The following LINGO2 variants were observed in gnomAD, a reference collection of about 807,000 sequenced individuals.
LINGO2 encodes the protein leucine-rich repeat and immunoglobulin-like domain-containing nogo receptor-interacting protein 2.
Under a neutral mutation model 30.6 loss-of-function variants are expected in LINGO2, and 14 were observed. The observed-to-expected ratio is 0.46, with a 90% CI of 0.30 to 0.72. The LOEUF is 0.72. Ranked by LOEUF, LINGO2 falls within the 30% of genes least tolerant of loss-of-function variation. LINGO2 has a pLI of 0.07. For missense variants in LINGO2, 729 were observed against 751.7 expected, an observed-to-expected ratio of 0.97 and a Z score of 0.35; for synonymous variants, 317 against 288.5, an observed-to-expected ratio of 1.10 and a Z score of -1.00.
chr9:27,976,914 T>C (rs531330238), intron 5 of LINGO2, among the ~76,000 whole-genome samples: 27 of 152,166 alleles, frequency 1.8e-4, no homozygotes, highest in African/African-American at 6.5e-4. Context: ...TTTGCAGAAC[T>C]TTCTGTGTAT....
At chr9:28,587,753 C>G (rs889142226) in intron 1 of LINGO2, among the ~76,000 whole-genome samples, 7 of 151,874 alleles carry the variant, frequency 4.6e-5, no homozygotes, top group African/African-American at 1.7e-4. Context: ...TCGGGTTACT[C>G]ACCTGGCCAC....
At chr9:28,870,775 A>G in the LINGO2 span, among the ~76,000 whole-genome samples, 5 of 152,136 alleles carry the variant, frequency 3.3e-5, no homozygotes, top group Non-Finnish European at 7.4e-5. Flanking sequence ...TTTAAATCGT[A>G]CTAAAGAAAT....
At chr9:28,226,483 T>A (rs1281974602) in intron 4 of LINGO2, among the ~76,000 whole-genome samples, 1 of 151,704 alleles carries the variant, frequency 6.6e-6, no homozygotes, top group East Asian at 1.9e-4. Context: ...CCAGGTAGAG[T>A]CTTTCTTAAA....
At chr9:28,437,800 T>C (rs1824014690) in intron 2 of LINGO2, among the ~76,000 whole-genome samples, 1 of 152,078 alleles carries the variant, frequency 6.6e-6, no homozygotes, top group African/African-American at 2.4e-5. Context: ...CAACATATAT[T>C]TGGCTCAGAA....
the LINGO2 span, among the ~76,000 whole-genome samples, chr9:29,067,024 G>A: frequency 6.6e-6 from 1 of 151,706 alleles, no homozygotes; most frequent in African/African-American, 2.4e-5. Flanking sequence ...TTCTAATCTA[G>A]GGAGAATAGA....
intron 1 of LINGO2, among the ~76,000 whole-genome samples, chr9:28,602,961 GT>G (rs1201589168): frequency 1.3e-5 from 2 of 152,054 alleles, no homozygotes; most frequent in Non-Finnish European, 2.9e-5. Context: ...GGCACATAGA[GT>G]ATAGAAAGCA....
chr9:28,036,523 A>G (rs1823943757), intron 4 of LINGO2, among the ~76,000 whole-genome samples: 1 of 152,172 alleles, frequency 6.6e-6, no homozygotes, highest in African/African-American at 2.4e-5. Context: ...AGAAGGAAGA[A>G]TTTTTAGTCA....
intron 4 of LINGO2, among the ~76,000 whole-genome samples, chr9:28,097,385 C>T (rs1216592060): frequency 4.4e-4 from 66 of 149,200 alleles, no homozygotes; most frequent in Admixed American, 1.2e-3. Flanking sequence ...CACATGCACA[C>T]GTATGTTTAT....
At chr9:28,452,971 T>A (rs895443491) in intron 2 of LINGO2, among the ~76,000 whole-genome samples, 7 of 151,984 alleles carry the variant, frequency 4.6e-5, no homozygotes, top group Admixed American at 3.9e-4. Flanking sequence ...TAAAAAGTCA[T>A]GCATATTTGC....
the LINGO2 span, among the ~76,000 whole-genome samples, chr9:28,945,460 T>G: frequency 6.6e-6 from 1 of 152,170 alleles, no homozygotes; most frequent in East Asian, 1.9e-4. Flanking sequence ...TATTAACTCT[T>G]GTCTCATTCT....
At chr9:28,279,704 G>A (rs939453707) in intron 4 of LINGO2, among the ~76,000 whole-genome samples, 1 of 152,014 alleles carries the variant, frequency 6.6e-6, no homozygotes, top group Admixed American at 6.6e-5. Flanking sequence ...TACTGGGGTG[G>A]TCTGGAACCA....
the LINGO2 span, among the ~76,000 whole-genome samples, chr9:29,003,217 C>A: frequency 6.6e-6 from 1 of 151,998 alleles, no homozygotes; most frequent in African/African-American, 2.4e-5. Flanking sequence ...AATAACAAAT[C>A]TCTGTTGTTT....
intron 4 of LINGO2, among the ~76,000 whole-genome samples, chr9:28,264,719 T>A (rs1435320912): frequency 6.6e-6 from 1 of 151,938 alleles, no homozygotes; most frequent in Non-Finnish European, 1.5e-5. Context: ...GTGGTACAGC[T>A]CTTCATCTAT....
intron 4 of LINGO2, among the ~76,000 whole-genome samples, chr9:28,032,259 C>T (rs1484052047): frequency 2.0e-5 from 3 of 152,094 alleles, no homozygotes; most frequent in African/African-American, 7.2e-5. Context: ...GCTGTTTTCT[C>T]TTGGTACTTG....
chr9:28,506,485 C>CAGATATATATATAT (rs1820135121), intron 1 of LINGO2, among the ~76,000 whole-genome samples: 1 of 73,398 alleles, frequency 1.4e-5, no homozygotes, highest in Non-Finnish European at 2.7e-5. Context: ...CACACATACA[C>CAGATATATATATAT]ATACACACAC....
At chr9:28,259,935 T>C (rs951432181) in intron 4 of LINGO2, among the ~76,000 whole-genome samples, 7 of 151,898 alleles carry the variant, frequency 4.6e-5, no homozygotes, top group Non-Finnish European at 2.9e-5. Flanking sequence ...ATCTCATAGA[T>C]TGACCACCCG....
At chr9:29,122,628 A>C in the LINGO2 span, among the ~76,000 whole-genome samples, 1 of 152,142 alleles carries the variant, frequency 6.6e-6, no homozygotes, top group Non-Finnish European at 1.5e-5. Flanking sequence ...AAGATTAAAC[A>C]GCCTCAGATC....
At chr9:28,075,152 T>C (rs998548107) in intron 4 of LINGO2, among the ~76,000 whole-genome samples, 5 of 151,966 alleles carry the variant, frequency 3.3e-5, no homozygotes, top group Admixed American at 6.6e-5. Flanking sequence ...GTAATACATA[T>C]GTATGTGGCT....
the LINGO2 span, among the ~76,000 whole-genome samples, chr9:29,166,645 T>C: frequency 6.6e-6 from 1 of 152,266 alleles, no homozygotes; most frequent in East Asian, 1.9e-4. Flanking sequence ...AATCACTAGT[T>C]CTAATTTATA....
Sources: gnomAD v4.1 joint callset for allele counts (sites outside exome capture counted in the v4.1 genomes callset) on GRCh38, gnomAD v4.1.1 for gene constraint, MANE v1.5 for transcripts, NCBI Gene and HGNC (gene_info 2026-07-23, HGNC 2026-07-21) for gene names.